The following KAZN variants were observed in gnomAD, a reference collection of about 807,000 sequenced individuals.
KAZN encodes kazrin.
KAZN carries 40 observed loss-of-function variants against 87.4 expected under a neutral mutation model. The observed-to-expected ratio is 0.46, with a 90% CI of 0.36 to 0.60. The LOEUF (loss-of-function observed/expected upper bound fraction) is 0.60, where lower values mean the gene tolerates loss of function less well. KAZN is among the 20% of genes least tolerant of loss of function. KAZN has a pLI of 0.00. For synonymous variants in KAZN, 466 were observed against 458.3 expected (o/e 1.02, Z -0.22); for missense variants, 898 against 1,073.9 (o/e 0.84, Z 2.29).
chr1:14,529,145 AAT>A (rs1220514745), intron 2 of KAZN, among the ~76,000 whole-genome samples: 2 of 152,114 alleles, frequency 1.3e-5, no homozygotes, highest in Non-Finnish European at 2.9e-5. Context: ...CTCCACTAAA[AAT>A]ACAAAAATTA....
At chr1:14,766,134 G>A (rs1254699189) in intron 1 of KAZN, among the ~76,000 whole-genome samples, 1 of 152,202 alleles carries the variant, frequency 6.6e-6, no homozygotes, top group Non-Finnish European at 1.5e-5. Flanking sequence ...ATGAGAGCGA[G>A]CTGCCACCGT....
chr1:14,258,250 C>G (rs1650719996), intron 2 of KAZN, among the ~76,000 whole-genome samples: 1 of 134,948 alleles, frequency 7.4e-6, no homozygotes, highest in Admixed American at 7.8e-5. Context: ...GAGTCTTTCT[C>G]TTTGACCCAG....
At chr1:15,015,942 C>G (rs1485311308) in intron 2 of KAZN, among the ~76,000 whole-genome samples, 1 of 152,188 alleles carries the variant, frequency 6.6e-6, no homozygotes, top group Non-Finnish European at 1.5e-5. Context: ...CCCACTTAAC[C>G]CCGTCCCTGC....
chr1:14,791,585 C>T (rs1721828), intron 1 of KAZN, among the ~76,000 whole-genome samples: 98,799 of 152,062 alleles, frequency 0.65, 32,275 homozygotes, highest in East Asian at 0.72. Flanking sequence ...TCCCTGTCAC[C>T]TCCCTCCACT....
chr1:15,012,189 AG>A (rs767448077), intron 2 of KAZN, among the ~76,000 whole-genome samples: 2 of 152,134 alleles, frequency 1.3e-5, no homozygotes, highest in Non-Finnish European at 2.9e-5. Flanking sequence ...GCTAGTGAGT[AG>A]AGAACACTCT....
At position 15,104,125 on chromosome 1, in the gene KAZN, A is replaced by C; in HGVS notation, c.1984A>C (p.Ser662Arg). Residue 662 changes from serine (S) to arginine (R), a missense_variant, in exon 13 of 15, where the codon AGT (serine) becomes CGT (arginine). Coordinates refer to ENST00000376030, the MANE Select transcript of KAZN (RefSeq NM_201628.3). Reference sequence around the variant, plus strand: ...CATGGCCACTGCCCTGGGCATCCCCAGTGGGAAGCACATCCTCCGGAGACA... The same window carrying C: ...CATGGCCACTGCCCTGGGCATCCCCCGTGGGAAGCACATCCTCCGGAGACA... ...EAMATALGIP[S>R]GKHILRRHLA... 1 of 1,609,798 alleles carries C rather than the reference A, an allele frequency of 6.2e-7. No individual in the cohort carries two copies. The highest frequency in any genetic ancestry group is 8.5e-7 in the Non-Finnish European group (1 of 1,178,336).
At chr1:14,661,521 G>T in intron 1 of KAZN, among the ~76,000 whole-genome samples, 1 of 152,170 alleles carries the variant, frequency 6.6e-6, no homozygotes, top group Non-Finnish European at 1.5e-5. Context: ...ATATGTAAAT[G>T]AATGGATTTG....
At chr1:14,299,598 A>G (rs969925206) in intron 2 of KAZN, among the ~76,000 whole-genome samples, 7 of 152,218 alleles carry the variant, frequency 4.6e-5, no homozygotes, top group African/African-American at 7.2e-5. Context: ...AACCATTCTA[A>G]AAGCCCAGGA....
chr1:14,868,214 T>C (rs1651750949), intron 1 of KAZN, among the ~76,000 whole-genome samples: 2 of 152,172 alleles, frequency 1.3e-5, no homozygotes, highest in African/African-American at 4.8e-5. Context: ...TACGCAGGCA[T>C]CGCATACGCA....
chr1:14,521,915 T>G (rs920890267), intron 2 of KAZN, among the ~76,000 whole-genome samples: 2 of 152,230 alleles, frequency 1.3e-5, no homozygotes, highest in Non-Finnish European at 2.9e-5. Context: ...AAATTCATTT[T>G]CGGAGACATC....
At chr1:14,393,016 G>A (rs1216286548) in intron 2 of KAZN, among the ~76,000 whole-genome samples, 1 of 152,192 alleles carries the variant, frequency 6.6e-6, no homozygotes, top group Non-Finnish European at 1.5e-5. Flanking sequence ...TCAAGCGCAA[G>A]GGAAAGACAG....
At chr1:14,495,210 C>T (rs985923089) in intron 2 of KAZN, among the ~76,000 whole-genome samples, 9 of 152,098 alleles carry the variant, frequency 5.9e-5, no homozygotes, top group African/African-American at 1.9e-4. Flanking sequence ...AATGGATTTC[C>T]CAGGTTAAAG....
chr1:14,141,280 A>C, intron 1 of KAZN, among the ~76,000 whole-genome samples: 1 of 151,808 alleles, frequency 6.6e-6, no homozygotes, highest in South Asian at 2.1e-4. Flanking sequence ...TGCTTGGAGA[A>C]AATGACATGC....
At chr1:14,068,126 C>A (rs1054809073) in intron 1 of KAZN, among the ~76,000 whole-genome samples, 5 of 152,228 alleles carry the variant, frequency 3.3e-5, no homozygotes, top group Admixed American at 1.3e-4. Flanking sequence ...ATGTTCCCCC[C>A]CCCAACAATT....
intron 1 of KAZN, among the ~76,000 whole-genome samples, chr1:14,151,436 C>T (rs1645471636): frequency 6.6e-6 from 1 of 152,148 alleles, no homozygotes; most frequent in Non-Finnish European, 1.5e-5. Flanking sequence ...AAAATGATCA[C>T]TTTGATATTT....
intron 2 of KAZN, among the ~76,000 whole-genome samples, chr1:14,468,897 A>G (rs1668303337): frequency 6.6e-6 from 1 of 152,154 alleles, no homozygotes; most frequent in East Asian, 1.9e-4. Context: ...TCTTGGTTCC[A>G]ACTCAGGTCA....
chr1:14,444,306 AT>A (rs35461813), intron 2 of KAZN, among the ~76,000 whole-genome samples: 2,652 of 95,166 alleles, frequency 0.028, 14 homozygotes, highest in East Asian at 0.058. Flanking sequence ...TAAATTCATG[AT>A]TTTTTTTTTT....
intron 2 of KAZN, among the ~76,000 whole-genome samples, chr1:14,591,172 C>A (rs755851535): frequency 4.3e-4 from 41 of 95,624 alleles, no homozygotes; most frequent in African/African-American, 9.6e-4. Context: ...TCAAATAGTG[C>A]CCCCCCCCCA....
intron 2 of KAZN, among the ~76,000 whole-genome samples, chr1:14,543,559 CCTT>C (rs1466727328): frequency 6.6e-6 from 1 of 152,152 alleles, no homozygotes; most frequent in African/African-American, 2.4e-5. Flanking sequence ...TAAAAGGTGA[CCTT>C]CTTCAGATGG....
Sources: allele counts gnomAD v4.1 joint callset (sites outside exome capture counted in the v4.1 genomes callset), GRCh38; gene constraint gnomAD v4.1.1; transcripts MANE v1.5; gene names NCBI Gene and HGNC (gene_info 2026-07-23, HGNC 2026-07-21).